The following FAM117B variants were observed in gnomAD, a reference collection of about 807,000 sequenced individuals.
FAM117B encodes the protein family with sequence similarity 117 member B, also known as protein FAM117B.
FAM117B carries 22 observed loss-of-function variants against 52.8 expected under a neutral mutation model. The observed-to-expected ratio is 0.42, with a 90% CI of 0.30 to 0.59. The LOEUF is 0.59. Among genes scored for constraint, FAM117B ranks in the 20% least tolerant of loss-of-function variants. The pLI, the probability that FAM117B is intolerant of heterozygous loss-of-function variation, is 0.22. For missense variants in FAM117B, 678 were observed against 802.6 expected, an observed-to-expected ratio of 0.84 and a Z score of 1.88; for synonymous variants, 309 against 324.1, an observed-to-expected ratio of 0.95 and a Z score of 0.50.
chr2:202,652,720 C>G (rs1398828867), intron 1 of FAM117B, among the ~76,000 whole-genome samples: 1 of 152,106 alleles, frequency 6.6e-6, no homozygotes, highest in Non-Finnish European at 1.5e-5. Flanking sequence ...CCTAAGAATT[C>G]TTGGAAGGTC....
At chr2:202,671,407 A>AG (rs1446958306) in intron 1 of FAM117B, among the ~76,000 whole-genome samples, 4 of 152,330 alleles carry the variant, frequency 2.6e-5, no homozygotes, top group African/African-American at 9.6e-5. Context: ...TGTCCCATTG[A>AG]GGGATAAGAC....
intron 2 of FAM117B, among the ~76,000 whole-genome samples, chr2:202,700,248 G>A (rs1690777650): frequency 6.6e-6 from 1 of 152,200 alleles, no homozygotes; most frequent in Non-Finnish European, 1.5e-5. Context: ...AGCTGAGATA[G>A]GCCAAAAGCT....
intron 4 of FAM117B, among the ~76,000 whole-genome samples, chr2:202,742,003 A>G (rs1691550056): frequency 6.6e-6 from 1 of 152,236 alleles, no homozygotes; most frequent in Non-Finnish European, 1.5e-5. Context: ...GTACTACACA[A>G]TCTACATGGG....
At chr2:202,733,931 T>C (rs1691398288) in intron 4 of FAM117B, among the ~76,000 whole-genome samples, 1 of 152,216 alleles carries the variant, frequency 6.6e-6, no homozygotes, top group African/African-American at 2.4e-5. Context: ...TAAATGTCCA[T>C]GAAATCTTCA....
Position 202,635,225 on chromosome 2 carries a change from C to T in FAM117B, c.38C>T (p.Pro13Leu), listed in dbSNP as rs1574534215. The change falls in exon 1 of 8, where the codon CCG (proline) becomes CTG (leucine). Residue 13 changes from proline (P) to leucine (L), a missense_variant. Around this residue, in one of 3 missense-constraint regions of FAM117B, gnomAD observed 583 missense variants for 644.8 expected, o/e 0.90. Transcript: ENST00000392238. ...GTGAGGCGCAATGGGTCCCCCACGCCGGCCGGCTCCCTTGGGGGTGGTGCG... is the reference window on the plus strand; with the variant it reads ...GTGAGGCGCAATGGGTCCCCCACGCTGGCCGGCTCCCTTGGGGGTGGTGCG... ...QRVRRNGSPT[P>L]AGSLGGGAVA... The T allele has an allele frequency of 1.7e-5, 22 of 1,304,606 alleles. No individual in the cohort carries two copies. Among genetic ancestry groups the T allele is most frequent in the Non-Finnish European group, 2.0e-5 (21 of 1,025,312 alleles). The allele number at this position is 1,304,606 out of a possible 1,614,324, so 80.8% of individuals were successfully genotyped here.
chr2:202,766,823 G>A lies in FAM117B; in HGVS notation c.*1059G>A, dbSNP rs1230814664. On this transcript the variant is annotated 3_prime_UTR_variant, in exon 8 of 8. Coordinates refer to ENST00000392238, the MANE Select transcript of FAM117B (RefSeq NM_173511.4). ...TTTCCTCCTTTGCCCTTGTGATGTT[G>A]TTGTCTTGTGGATTTGGTTGGGCTA... The A allele has an allele frequency of 6.6e-6, 1 of 152,240 alleles. No homozygotes were observed. The highest frequency in any genetic ancestry group is 1.9e-4 in the East Asian group (1 of 5,196). 9.4% of individuals were successfully genotyped at this position (152,240 alleles called of 1,614,324 possible).
intron 2 of FAM117B, among the ~76,000 whole-genome samples, chr2:202,718,715 C>T (rs949617910): frequency 6.6e-6 from 1 of 152,150 alleles, no homozygotes; most frequent in Non-Finnish European, 1.5e-5. Context: ...CAGTAATGAA[C>T]CTGGCCCTAT....
At chr2:202,688,235 C>CA (rs915647953) in intron 1 of FAM117B, among the ~76,000 whole-genome samples, 9 of 151,982 alleles carry the variant, frequency 5.9e-5, no homozygotes, top group South Asian at 2.1e-4. Context: ...GTATGAATTT[C>CA]AAAAAAATAT....
At chr2:202,716,799 TAA>T (rs951144743) in intron 2 of FAM117B, among the ~76,000 whole-genome samples, 2 of 152,338 alleles carry the variant, frequency 1.3e-5, no homozygotes, top group Non-Finnish European at 2.9e-5. Context: ...GTTCTACTAC[TAA>T]AAGACTCTAA....
intron 1 of FAM117B, among the ~76,000 whole-genome samples, chr2:202,662,815 G>T (rs1690150713): frequency 6.6e-6 from 1 of 151,998 alleles, no homozygotes; most frequent in Non-Finnish European, 1.5e-5. Flanking sequence ...CTACACTCTA[G>T]CCTGGCGATA....
intron 1 of FAM117B, among the ~76,000 whole-genome samples, chr2:202,667,441 T>C (rs1193175674): frequency 6.6e-6 from 1 of 151,606 alleles, no homozygotes; most frequent in African/African-American, 2.4e-5. Flanking sequence ...AAAAAAGCTT[T>C]GTGTATGTGT....
chr2:202,714,876 A>C (rs1691019412), intron 2 of FAM117B, among the ~76,000 whole-genome samples: 1 of 151,898 alleles, frequency 6.6e-6, no homozygotes, highest in South Asian at 2.1e-4. Context: ...CAGGATCCCA[A>C]GGCAGAAGAA....
At chr2:202,674,314 G>A (rs1352719947) in intron 1 of FAM117B, among the ~76,000 whole-genome samples, 1 of 152,102 alleles carries the variant, frequency 6.6e-6, no homozygotes, top group Non-Finnish European at 1.5e-5. Flanking sequence ...ACATAATAAC[G>A]CTAGTTACTA....
At chr2:202,654,687 T>C (rs938105652) in intron 1 of FAM117B, among the ~76,000 whole-genome samples, 12 of 151,600 alleles carry the variant, frequency 7.9e-5, no homozygotes, top group African/African-American at 2.9e-4. Flanking sequence ...TTTGCCCATA[T>C]TGGAGTCAGA....
At chr2:202,758,840 G>A (rs1267481892) in intron 6 of FAM117B, among the ~76,000 whole-genome samples, 1 of 152,168 alleles carries the variant, frequency 6.6e-6, no homozygotes, top group Non-Finnish European at 1.5e-5. Context: ...TGTAACCAGC[G>A]GAGCAGAGAA....
chr2:202,751,215 A>T (rs994648274), intron 4 of FAM117B, among the ~76,000 whole-genome samples: 3 of 152,182 alleles, frequency 2.0e-5, no homozygotes, highest in Non-Finnish European at 4.4e-5. Context: ...TGTTACTTGA[A>T]GTTTATAGCT....
At chr2:202,686,566 C>A (rs1159282137) in intron 1 of FAM117B, among the ~76,000 whole-genome samples, 1 of 152,186 alleles carries the variant, frequency 6.6e-6, no homozygotes, top group Non-Finnish European at 1.5e-5. Context: ...GATCCCAGCA[C>A]TTTGAGAAGC....
At position 202,724,902 on chromosome 2, in the gene FAM117B, C is replaced by CT; in HGVS notation, c.754-9dup. ...GATTTTTGTTAAATACACCTCCCCTCTTTTTTCATTACAGACAGAGAGTGC... is the reference window on the plus strand; with the variant it reads ...GATTTTTGTTAAATACACCTCCCCTCTTTTTTTCATTACAGACAGAGAGTGC... On this transcript the variant is annotated splice_polypyrimidine_tract_variant and intron_variant, in intron 2 of 7. Coordinates refer to ENST00000392238, the MANE Select transcript of FAM117B (RefSeq NM_173511.4). 6.3e-7 allele frequency: 1 copy of CT among 1,583,198 alleles called. No homozygotes were observed. Among genetic ancestry groups the CT allele is most frequent in the Non-Finnish European group, 8.6e-7 (1 of 1,164,320 alleles).
At chr2:202,675,274 T>C (rs1234193648) in intron 1 of FAM117B, among the ~76,000 whole-genome samples, 3 of 151,244 alleles carry the variant, frequency 2.0e-5, no homozygotes, top group Non-Finnish European at 4.4e-5. Context: ...GGTGATTCTC[T>C]GTCTCTACAA....
Sources: gnomAD v4.1 joint callset for allele counts (sites outside exome capture counted in the v4.1 genomes callset) on GRCh38, gnomAD v4.1.1 for gene constraint, gnomAD v4.1.1 regional missense constraint, MANE v1.5 for transcripts, NCBI Gene and HGNC (gene_info 2026-07-23, HGNC 2026-07-21) for gene names.